The following COBL variants were observed in gnomAD, a reference collection of about 807,000 sequenced individuals.
COBL encodes the protein protein cordon-bleu.
A neutral mutation model predicts 98.8 loss-of-function variants in COBL; 51 were observed. That is an observed-to-expected ratio of 0.52 (90% confidence interval 0.41 to 0.65). The LOEUF (loss-of-function observed/expected upper bound fraction) is 0.65. Ranked by LOEUF, COBL falls within the 30% of genes least tolerant of loss-of-function variation. The pLI is 0.00. For synonymous variants in COBL, 634 were observed against 651.7 expected (o/e 0.97, Z 0.41); for missense variants, 1,617 against 1,617.5 (o/e 1.00, Z 0.01).
chr7:51,194,915 T>G (rs1024390392), intron 2 of COBL, among the ~76,000 whole-genome samples: 3 of 152,230 alleles, frequency 2.0e-5, no homozygotes, highest in Admixed American at 2.0e-4. Context: ...TGCTGGATAT[T>G]AGACCTTTGT....
chr7:51,234,785 G>T (rs1028527163), intron 1 of COBL, among the ~76,000 whole-genome samples: 1 of 152,202 alleles, frequency 6.6e-6, no homozygotes, highest in African/African-American at 2.4e-5. Flanking sequence ...GCCAGGGCTG[G>T]ACAGCAGGCT....
chr7:51,167,342 TTACAG>T (rs1479859086), intron 5 of COBL, among the ~76,000 whole-genome samples: 2 of 151,914 alleles, frequency 1.3e-5, no homozygotes, highest in Non-Finnish European at 2.9e-5. Context: ...GTAATCCCAT[TTACAG>T]TAGTCAAAAA....
chr7:51,315,747 A>T (rs1002097413), intron 1 of COBL, among the ~76,000 whole-genome samples: 13 of 151,936 alleles, frequency 8.6e-5, no homozygotes, highest in African/African-American at 3.2e-4. Flanking sequence ...TCGGGGTCTG[A>T]ATAATGAGCA....
At chr7:51,068,524 A>G (rs145045052) in intron 7 of COBL, among the ~76,000 whole-genome samples, 193 of 152,340 alleles carry the variant, frequency 1.3e-3, no homozygotes, top group African/African-American at 4.4e-3. Flanking sequence ...AAAGTAATAT[A>G]TATAGTTGTG....
At chr7:51,104,980 A>G (rs1188482296) in intron 6 of COBL, among the ~76,000 whole-genome samples, 1 of 152,114 alleles carries the variant, frequency 6.6e-6, no homozygotes, top group Non-Finnish European at 1.5e-5. Flanking sequence ...AAAAGGGAAG[A>G]AAATTTTGTT....
chr7:51,035,990 T>C (rs1788597963), intron 8 of COBL: 1 of 152,112 alleles, frequency 6.6e-6, no homozygotes. Flanking sequence ...GAAAGGGGGA[T>C]TGGTTCCAGG....
chr7:51,192,425 T>G (rs1002035945), intron 3 of COBL, among the ~76,000 whole-genome samples: 6 of 152,130 alleles, frequency 3.9e-5, no homozygotes, highest in Admixed American at 3.9e-4. Context: ...CTGGCCAACA[T>G]GGTGAAACCT....
chr7:51,144,702 C>T (rs893644408), intron 5 of COBL, among the ~76,000 whole-genome samples: 4 of 152,174 alleles, frequency 2.6e-5, no homozygotes, highest in African/African-American at 4.8e-5. Flanking sequence ...ACTCCCCAAT[C>T]CCCTTTCCCC....
chr7:51,053,800 C>A (rs1790463599), intron 7 of COBL, among the ~76,000 whole-genome samples: 1 of 152,246 alleles, frequency 6.6e-6, no homozygotes, highest in Non-Finnish European at 1.5e-5. Flanking sequence ...TCCCTTGTAC[C>A]TAAAAGTGGA....
At chr7:51,145,588 A>G (rs1399956771) in intron 5 of COBL, among the ~76,000 whole-genome samples, 1 of 151,846 alleles carries the variant, frequency 6.6e-6, no homozygotes, top group Non-Finnish European at 1.5e-5. Flanking sequence ...CATGTTGGCT[A>G]GGCTGGTGTC....
chr7:51,239,218 G>A (rs1273406554), intron 1 of COBL, among the ~76,000 whole-genome samples: 1 of 152,122 alleles, frequency 6.6e-6, no homozygotes, highest in Non-Finnish European at 1.5e-5. Flanking sequence ...GACATTCTTA[G>A]TCACAGGATG....
intron 1 of COBL, among the ~76,000 whole-genome samples, chr7:51,240,437 G>A (rs1012577219): frequency 2.6e-5 from 4 of 152,240 alleles, no homozygotes; most frequent in African/African-American, 4.8e-5. Flanking sequence ...CTTCATCAGA[G>A]CAGCCACAGC....
At chr7:51,164,143 T>C (rs1562983905) in intron 5 of COBL, among the ~76,000 whole-genome samples, 2 of 152,138 alleles carry the variant, frequency 1.3e-5, no homozygotes, top group African/African-American at 4.8e-5. Context: ...TTCAAGAGGG[T>C]TTTTTGTTTG....
chr7:51,096,513 G>GAAATAGA (rs903130294), intron 6 of COBL, among the ~76,000 whole-genome samples: 2 of 151,620 alleles, frequency 1.3e-5, no homozygotes, highest in African/African-American at 4.8e-5. Context: ...AGAAATAAAT[G>GAAATAGA]AAATAGAAAA....
chr7:51,219,434 GT>G (rs1405549355), intron 2 of COBL, among the ~76,000 whole-genome samples: 1 of 152,292 alleles, frequency 6.6e-6, no homozygotes, highest in East Asian at 1.9e-4. Context: ...ACCCAGGGGT[GT>G]AGGTCACCGC....
At chr7:51,107,911 T>C (rs573605843) in intron 6 of COBL, among the ~76,000 whole-genome samples, 47 of 152,348 alleles carry the variant, frequency 3.1e-4, no homozygotes, top group African/African-American at 1.1e-3. Context: ...TCCAAGAGAA[T>C]GGGTGTCCTG....
chr7:51,251,043 G>A (rs928627084), intron 1 of COBL, among the ~76,000 whole-genome samples: 1 of 152,130 alleles, frequency 6.6e-6, no homozygotes, highest in African/African-American at 2.4e-5. Flanking sequence ...TTTTTACAGT[G>A]CTATTAAATC....
Position 51,017,476 on chromosome 7 carries a change from G to T in COBL, c.*75C>A. 6.8e-7 allele frequency: 1 copy of T among 1,464,744 alleles called. No homozygotes were observed. Among genetic ancestry groups the T allele is most frequent in the Non-Finnish European group, 9.6e-7 (1 of 1,044,332 alleles). The allele number at this position is 1,464,744 out of a possible 1,614,324, so 90.7% of individuals were successfully genotyped here. ...GTAACACCAAAACTTGATGTTCCTG[G>T]CTATGCAGACTCCTTGAGTGACGCC... On this transcript the variant is annotated 3_prime_UTR_variant, in exon 13 of 13. Transcript: ENST00000265136.
At chr7:51,113,869 T>C (rs1363577019) in intron 6 of COBL, among the ~76,000 whole-genome samples, 1 of 152,200 alleles carries the variant, frequency 6.6e-6, no homozygotes. Flanking sequence ...CTAAAAATAA[T>C]CAAGGCCTGT....
Sources: gnomAD v4.1 joint callset for allele counts (sites outside exome capture counted in the v4.1 genomes callset) on GRCh38, gnomAD v4.1.1 for gene constraint, MANE v1.5 for transcripts, NCBI Gene and HGNC (gene_info 2026-07-23, HGNC 2026-07-21) for gene names.